Variants in ADAMTSL1 observed in about 807,000 individuals in gnomAD.
The protein encoded by ADAMTSL1 is ADAMTS like 1, also known as ADAMTS-like protein 1.
A neutral mutation model predicts 201.8 loss-of-function variants in ADAMTSL1; 126 were observed. That is an observed-to-expected ratio of 0.62 (90% confidence interval 0.54 to 0.72). ADAMTSL1 has a LOEUF of 0.72. Among genes scored for constraint, ADAMTSL1 ranks in the 30% least tolerant of loss-of-function variants. The pLI is 0.00. For missense variants in ADAMTSL1, 2,679 were observed against 2,277.8 expected, an observed-to-expected ratio of 1.18 and a Z score of -3.59; for synonymous variants, 1,121 against 903.4, an observed-to-expected ratio of 1.24 and a Z score of -4.32.
intron 1 of ADAMTSL1, among the ~76,000 whole-genome samples, chr9:17,959,969 T>C (rs1817671102): frequency 6.6e-6 from 1 of 152,116 alleles, no homozygotes; most frequent in Non-Finnish European, 1.5e-5. Context: ...GGTGTATTAG[T>C]TAGGATTAAT....
chr9:18,559,880 G>T (rs1034956175), intron 3 of ADAMTSL1, among the ~76,000 whole-genome samples: 4 of 152,208 alleles, frequency 2.6e-5, no homozygotes, highest in Non-Finnish European at 5.9e-5. Context: ...CTTTGCTAAA[G>T]TTGCTTATCA....
At chr9:18,154,332 G>A (rs1827051818) in intron 1 of ADAMTSL1, among the ~76,000 whole-genome samples, 2 of 151,992 alleles carry the variant, frequency 1.3e-5, no homozygotes, top group Non-Finnish European at 2.9e-5. Flanking sequence ...TCTGCTCCTT[G>A]TGCATCCACT....
intron 20 of ADAMTSL1, among the ~76,000 whole-genome samples, chr9:18,814,928 T>C (rs537357531): frequency 2.6e-5 from 4 of 152,254 alleles, no homozygotes; most frequent in African/African-American, 9.6e-5. Context: ...AAAGAATACA[T>C]ACAAATGGCC....
intron 3 of ADAMTSL1, among the ~76,000 whole-genome samples, chr9:18,540,668 G>A (rs944241977): frequency 6.6e-6 from 1 of 152,114 alleles, no homozygotes; most frequent in African/African-American, 2.4e-5. Context: ...ATGAGCTTTG[G>A]AAGAGCAGAA....
chr9:18,354,162 T>C (rs1836105395), intron 2 of ADAMTSL1, among the ~76,000 whole-genome samples: 1 of 151,238 alleles, frequency 6.6e-6, no homozygotes, highest in Non-Finnish European at 1.5e-5. Context: ...CATCTGTCTC[T>C]GGTGTAAATA....
chr9:18,675,006 T>A (rs377193077), intron 9 of ADAMTSL1, among the ~76,000 whole-genome samples: 7 of 126,582 alleles, frequency 5.5e-5, no homozygotes, highest in African/African-American at 1.8e-4. Flanking sequence ...CAGAGTAGTT[T>A]ATTGGCATCC....
intron 2 of ADAMTSL1, among the ~76,000 whole-genome samples, chr9:18,227,993 A>G (rs1377638760): frequency 6.6e-6 from 1 of 152,218 alleles, no homozygotes; most frequent in Admixed American, 6.5e-5. Flanking sequence ...ATAGAAGCAT[A>G]CTAGGCAAGC....
intron 1 of ADAMTSL1, among the ~76,000 whole-genome samples, chr9:18,155,562 A>AT (rs1186415601): frequency 2.6e-5 from 4 of 152,008 alleles, no homozygotes; most frequent in African/African-American, 7.2e-5. Flanking sequence ...ATATTATGTC[A>AT]TTTTTTTATA....
chr9:17,982,258 A>G (rs919156490), intron 1 of ADAMTSL1, among the ~76,000 whole-genome samples: 12 of 152,140 alleles, frequency 7.9e-5, no homozygotes, highest in African/African-American at 1.2e-4. Flanking sequence ...TCAAATATCA[A>G]TATCATTTAC....
chr9:17,954,837 A>C lies in ADAMTSL1; in HGVS notation c.87+47915A>C, dbSNP rs768359077. On this transcript the variant is annotated intron_variant, in intron 1 of 29. Coordinates refer to the ADAMTSL1 transcript ENST00000680146. ...AAATGGAAATCACTCTGTACAGGAA[A>C]GGTTCATGTTTCCTGAATTTCTACT... Among the ~76,000 whole-genome samples, 343 of 152,274 alleles carry C rather than the reference A, an allele frequency of 2.3e-3. 3 individuals are homozygous for C. Among genetic ancestry groups the C allele is most frequent in the Non-Finnish European group, 4.0e-3 (271 of 68,022 alleles).
intron 1 of ADAMTSL1, among the ~76,000 whole-genome samples, chr9:18,144,650 G>A (rs1457544204): frequency 6.6e-6 from 1 of 151,930 alleles, no homozygotes; most frequent in East Asian, 1.9e-4. Context: ...TTCTATTTTG[G>A]TTGGATTAAA....
intron 1 of ADAMTSL1, among the ~76,000 whole-genome samples, chr9:17,909,007 G>A (rs911578168): frequency 1.3e-5 from 2 of 150,478 alleles, no homozygotes; most frequent in African/African-American, 4.9e-5. Context: ...TTTAATGATT[G>A]CCATTCTAAC....
At chr9:18,497,329 C>T (rs1822580829) in intron 1 of ADAMTSL1, among the ~76,000 whole-genome samples, 1 of 139,568 alleles carries the variant, frequency 7.2e-6, no homozygotes, top group Non-Finnish European at 1.6e-5. Context: ...TCCTGTTTTC[C>T]ACTTTTCCTT....
intron 2 of ADAMTSL1, among the ~76,000 whole-genome samples, chr9:18,266,659 G>A (rs1480980750): frequency 6.6e-6 from 1 of 152,100 alleles, no homozygotes; most frequent in Non-Finnish European, 1.5e-5. Flanking sequence ...CCTCCGGAAG[G>A]ATGGCGTGGT....
intron 1 of ADAMTSL1, among the ~76,000 whole-genome samples, chr9:17,983,919 T>G (rs1423000360): frequency 1.3e-5 from 2 of 152,158 alleles, no homozygotes; most frequent in Non-Finnish European, 2.9e-5. Context: ...AATCAAATCC[T>G]CCCTTGAAGG....
At chr9:18,175,634 C>T (rs1026693371) in intron 2 of ADAMTSL1, among the ~76,000 whole-genome samples, 1 of 152,114 alleles carries the variant, frequency 6.6e-6, no homozygotes, top group Non-Finnish European at 1.5e-5. Context: ...GCTCACAGGA[C>T]TTCTTCTGCC....
chr9:18,894,964 G>T (rs1331013214), intron 26 of ADAMTSL1, among the ~76,000 whole-genome samples: 2 of 152,066 alleles, frequency 1.3e-5, no homozygotes, highest in South Asian at 2.1e-4. Flanking sequence ...CCAGAAGGAA[G>T]GAAGTCAATG....
intron 2 of ADAMTSL1, among the ~76,000 whole-genome samples, chr9:18,190,610 C>G (rs1828931905): frequency 6.6e-6 from 1 of 152,196 alleles, no homozygotes; most frequent in Non-Finnish European, 1.5e-5. Context: ...AGTCTAACAG[C>G]AGCTTTCTCC....
chr9:18,165,307 T>C (rs1416015098), intron 2 of ADAMTSL1, among the ~76,000 whole-genome samples: 1 of 151,866 alleles, frequency 6.6e-6, no homozygotes, highest in Non-Finnish European at 1.5e-5. Context: ...ACATGAAAAC[T>C]TCATAAACAA....
Sources: gnomAD v4.1 joint callset for allele counts (sites outside exome capture counted in the v4.1 genomes callset) on GRCh38, gnomAD v4.1.1 for gene constraint, MANE v1.5 for transcripts, NCBI Gene and HGNC (gene_info 2026-07-23, HGNC 2026-07-21) for gene names.